Variants in SEMA3C observed in about 807,000 individuals in gnomAD.
The protein encoded by SEMA3C is semaphorin-3C.
Under a neutral mutation model 89.4 loss-of-function variants are expected in SEMA3C, and 47 were observed. The ratio of observed to expected loss-of-function variants is 0.53; its 90% CI spans 0.42 to 0.67. The LOEUF (loss-of-function observed/expected upper bound fraction) is 0.67. SEMA3C is among the 30% of genes least tolerant of loss of function. The pLI is 0.00. For synonymous variants in SEMA3C, 310 were observed against 320.2 expected, an observed-to-expected ratio of 0.97 and a Z score of 0.34; for missense variants, 839 against 929.1, an observed-to-expected ratio of 0.90 and a Z score of 1.26.
chr7:80,824,730 C>T (rs997116877), intron 4 of SEMA3C, among the ~76,000 whole-genome samples: 6 of 152,092 alleles, frequency 3.9e-5, no homozygotes, highest in African/African-American at 1.4e-4. Context: ...CAGACAAAGA[C>T]CATCCCACTT....
At chr7:80,808,760 C>T (rs1381728384) in intron 6 of SEMA3C, among the ~76,000 whole-genome samples, 1 of 152,074 alleles carries the variant, frequency 6.6e-6, no homozygotes, top group Non-Finnish European at 1.5e-5. Context: ...TAAAATCCAA[C>T]ATTTGTTACT....
At chr7:80,781,803 G>A (rs1353357295) in intron 12 of SEMA3C, among the ~76,000 whole-genome samples, 1 of 152,080 alleles carries the variant, frequency 6.6e-6, no homozygotes, top group African/African-American at 2.4e-5. Flanking sequence ...GGTTAAATAG[G>A]GGCAACACTC....
intron 2 of SEMA3C, among the ~76,000 whole-genome samples, chr7:80,832,675 GATTGCAGCA>G (rs1790034077): frequency 6.6e-6 from 1 of 152,136 alleles, no homozygotes; most frequent in African/African-American, 2.4e-5. Flanking sequence ...AGCACATGAT[GATTGCAGCA>G]ATTGCATCTA....
chr7:80,766,472 A>T (rs993345613), intron 12 of SEMA3C, among the ~76,000 whole-genome samples: 2 of 152,178 alleles, frequency 1.3e-5, no homozygotes, highest in Non-Finnish European at 1.5e-5. Flanking sequence ...ACTTTACTTC[A>T]TCTTCTTCCT....
At position 80,761,782 on chromosome 7, in the gene SEMA3C, A is replaced by C. The variant is rs1788188644; in HGVS notation, c.1444-125T>G. ...TTCTTTATATATACATCTACTTTAA[A>C]ATTACTTGTTATATAAAATACATTT... On this transcript the variant is annotated intron_variant, in intron 13 of 17. Coordinates refer to ENST00000265361, the MANE Select transcript of SEMA3C (RefSeq NM_006379.5). 8 of 549,986 alleles carry C rather than the reference A, an allele frequency of 1.5e-5. No individual in the cohort carries two copies. In the East Asian group the frequency reaches 2.9e-4, roughly 20 times the overall value. The allele number at this position is 549,986 out of a possible 1,614,324, so 34.1% of individuals were successfully genotyped here.
chr7:80,880,179 G>A (rs150052369), intron 2 of SEMA3C, among the ~76,000 whole-genome samples: 87 of 152,146 alleles, frequency 5.7e-4, no homozygotes, highest in African/African-American at 2.0e-3. Context: ...ACATCTCCAG[G>A]AGGCGAACCC....
intron 13 of SEMA3C, among the ~76,000 whole-genome samples, chr7:80,762,174 G>A (rs1049118264): frequency 4.7e-5 from 7 of 149,560 alleles, no homozygotes; most frequent in African/African-American, 1.7e-4. Context: ...GAAAATCTGA[G>A]AAGGAAATTT....
chr7:80,824,322 G>A (rs1789822362), intron 4 of SEMA3C, among the ~76,000 whole-genome samples: 1 of 151,972 alleles, frequency 6.6e-6, no homozygotes, highest in Non-Finnish European at 1.5e-5. Flanking sequence ...TAATCTAAAA[G>A]CATTAATAAA....
chr7:80,786,241 T>C (rs1377358562), intron 12 of SEMA3C, among the ~76,000 whole-genome samples: 1 of 152,218 alleles, frequency 6.6e-6, no homozygotes, highest in African/African-American at 2.4e-5. Flanking sequence ...CAGAAACTTA[T>C]GTGGTAAGAA....
intron 2 of SEMA3C, among the ~76,000 whole-genome samples, chr7:80,875,566 A>G (rs1304253780): frequency 6.6e-6 from 1 of 152,170 alleles, no homozygotes; most frequent in Non-Finnish European, 1.5e-5. Context: ...ACAATTTACA[A>G]GTTTTAAATT....
intron 12 of SEMA3C, among the ~76,000 whole-genome samples, chr7:80,773,743 A>C (rs1788485267): frequency 6.6e-6 from 1 of 152,142 alleles, no homozygotes; most frequent in Non-Finnish European, 1.5e-5. Flanking sequence ...GTGTCAGAGC[A>C]AGGGAGGTGT....
At chr7:80,851,452 C>T (rs1174103026) in intron 2 of SEMA3C, among the ~76,000 whole-genome samples, 3 of 143,604 alleles carry the variant, frequency 2.1e-5, no homozygotes, top group African/African-American at 2.7e-5. Context: ...TGCAGTGAGC[C>T]GAGGTCGTGC....
intron 2 of SEMA3C, among the ~76,000 whole-genome samples, chr7:80,848,496 C>T (rs916490951): frequency 6.6e-6 from 1 of 152,182 alleles, no homozygotes; most frequent in African/African-American, 2.4e-5. Flanking sequence ...CATTGAATAA[C>T]ACTGAAGGTC....
intron 12 of SEMA3C, among the ~76,000 whole-genome samples, chr7:80,775,634 T>C (rs957169861): frequency 1.3e-5 from 2 of 152,074 alleles, no homozygotes; most frequent in Non-Finnish European, 2.9e-5. Flanking sequence ...CTTGAACTAA[T>C]TTGGTCATAA....
intron 2 of SEMA3C, among the ~76,000 whole-genome samples, chr7:80,861,858 C>T (rs1790779580): frequency 6.6e-6 from 1 of 152,124 alleles, no homozygotes; most frequent in Non-Finnish European, 1.5e-5. Flanking sequence ...ATCATCTCAA[C>T]AGATGCAGAA....
chr7:80,870,370 T>C (rs1295397463), intron 2 of SEMA3C, among the ~76,000 whole-genome samples: 3 of 152,236 alleles, frequency 2.0e-5, no homozygotes, highest in East Asian at 3.8e-4. Flanking sequence ...ATCCATTTGT[T>C]AAACAGATTT....
intron 10 of SEMA3C, among the ~76,000 whole-genome samples, chr7:80,798,790 T>G (rs934036077): frequency 2.0e-5 from 3 of 152,192 alleles, no homozygotes; most frequent in Non-Finnish European, 2.9e-5. Context: ...CAAAAAAAAT[T>G]CATTAAACCA....
At chr7:80,888,764 T>C (rs563283387) in intron 2 of SEMA3C, among the ~76,000 whole-genome samples, 1 of 152,124 alleles carries the variant, frequency 6.6e-6, no homozygotes, top group Admixed American at 6.5e-5. Context: ...ATAACCACAA[T>C]AACAAAAAAA....
At chr7:80,835,367 A>G (rs974847040) in intron 2 of SEMA3C, among the ~76,000 whole-genome samples, 1 of 152,148 alleles carries the variant, frequency 6.6e-6, no homozygotes, top group African/African-American at 2.4e-5. Context: ...CATTCTTCTC[A>G]TCATAAACCT....
Sources: gnomAD v4.1 joint callset for allele counts (sites outside exome capture counted in the v4.1 genomes callset) on GRCh38, gnomAD v4.1.1 for gene constraint, MANE v1.5 for transcripts, NCBI Gene and HGNC (gene_info 2026-07-23, HGNC 2026-07-21) for gene names.